Variants in CNR2 observed in about 807,000 individuals in gnomAD.
CNR2 encodes the protein cannabinoid receptor 2 (macrophage).
For synonymous variants in CNR2, 172 were observed against 182.2 expected, an observed-to-expected ratio of 0.94 and a Z score of 0.45; for missense variants, 379 against 439.9, an observed-to-expected ratio of 0.86 and a Z score of 1.24.
rs774179114 is a variant in CNR2 at position 23,884,311 on chromosome 1, G to C, written c.-45-8649C>G. 5.1e-4 allele frequency among the ~76,000 whole-genome samples: 12 copies of C among 23,426 alleles called. 2 individuals carry two copies. Among genetic ancestry groups the C allele is most frequent in the Non-Finnish European group, 1.4e-3 (12 of 8,406 alleles). 15.4% of individuals were successfully genotyped at this position (23,426 alleles called of 152,430 possible). A position where few individuals can be genotyped will look rare whatever the true frequency, so the allele number is the denominator to read the frequency against. On this transcript the variant is annotated intron_variant, in intron 1 of 1. Coordinates refer to ENST00000374472, the MANE Select transcript of CNR2 (RefSeq NM_001841.3). ...TGGTCTCGAACTCCTGGCTTCAAGT[G>C]ATCTGCGCGCCTTGGCCTCCCAAAG... is the stretch of plus-strand genomic sequence containing the variant.
chr1:23,896,401 A>T (rs1286352127), intron 1 of CNR2, among the ~76,000 whole-genome samples: 1 of 152,270 alleles, frequency 6.6e-6, no homozygotes, highest in East Asian at 1.9e-4. Flanking sequence ...TACTTGTCTC[A>T]TCAGTGGTGG....
Position 23,902,693 on chromosome 1 carries a change from G to A in CNR2, c.-46+10553C>T, listed in dbSNP as rs1455569364. 25 of 1,593,006 alleles carry A rather than the reference G, an allele frequency of 1.6e-5. No individual in the cohort carries two copies. The East Asian group carries it at 5.6e-4, about 36-fold the overall frequency. On this transcript the variant is annotated intron_variant, in intron 1 of 1. Coordinates refer to ENST00000374472, the MANE Select transcript of CNR2 (RefSeq NM_001841.3). ...CCACGACAAAGTGCACGTCGGCCAC[G>A]AGCTCGTTGTTGAACATGAGCGCGT...
chr1:23,874,337 T>G lies in CNR2; in HGVS notation c.*198A>C. The G allele has an allele frequency of 1.7e-6, 1 of 600,468 alleles. No homozygotes were observed. The highest frequency in any genetic ancestry group is 2.9e-6 in the Non-Finnish European group (1 of 343,780). The allele number at this position is 600,468 out of a possible 1,614,324, so 37.2% of individuals were successfully genotyped here. The stretch of plus-strand genomic sequence containing the variant: ...CCTGGCTACTCCTCGTGGCCCTACC[T>G]ATCCAACAGACTGTGTGCAGGTGGG... On this transcript the variant is annotated 3_prime_UTR_variant, in exon 2 of 2. Coordinates refer to ENST00000374472, the MANE Select transcript of CNR2 (RefSeq NM_001841.3).
At chr1:23,898,641 A>ATTTT (rs71026701) in intron 1 of CNR2, among the ~76,000 whole-genome samples, 3 of 25,298 alleles carry the variant, frequency 1.2e-4, no homozygotes, top group African/African-American at 5.0e-4. Flanking sequence ...CGCCTGGCCA[A>ATTTT]TTTTTTTTTT....
chr1:23,874,116 A>G lies in CNR2; in HGVS notation c.*419T>C, dbSNP rs1130320. The G allele has an allele frequency of 0.63, 108,906 of 172,308 alleles. 34,971 individuals are homozygous for G. Among genetic ancestry groups the G allele is most frequent in the African/African-American group, 0.76 (31,893 of 42,166 alleles). The allele number at this position is 172,308 out of a possible 1,614,324, so 10.7% of individuals were successfully genotyped here. A position where few individuals can be genotyped will look rare whatever the true frequency, so the allele number is the denominator to read the frequency against. The stretch of plus-strand genomic sequence containing the variant: ...CAAGGAGGCCTTGACAATTAGGCAG[A>G]GAGAAGACCTGGATGTCCATCCCAT... On this transcript the variant is annotated 3_prime_UTR_variant, in exon 2 of 2. Coordinates refer to ENST00000374472, the MANE Select transcript of CNR2 (RefSeq NM_001841.3).
chr1:23,877,598 C>T (rs895203380), intron 1 of CNR2, among the ~76,000 whole-genome samples: 3 of 150,354 alleles, frequency 2.0e-5, no homozygotes, highest in African/African-American at 4.9e-5. Flanking sequence ...GCCGAGATGG[C>T]GCCACTGCAC....
intron 1 of CNR2, among the ~76,000 whole-genome samples, chr1:23,882,412 G>T (rs1049773940): frequency 6.6e-6 from 1 of 152,068 alleles, no homozygotes; most frequent in Non-Finnish European, 1.5e-5. Context: ...ATTCATAAAG[G>T]CGATTAGAAG....
intron 1 of CNR2, among the ~76,000 whole-genome samples, chr1:23,897,050 T>C (rs1640297929): frequency 6.6e-6 from 1 of 151,976 alleles, no homozygotes; most frequent in Non-Finnish European, 1.5e-5. Context: ...CATTTTTCTA[T>C]TTTTAGTAGA....
chr1:23,898,231 G>T (rs1640318181), intron 1 of CNR2, among the ~76,000 whole-genome samples: 1 of 151,440 alleles, frequency 6.6e-6, no homozygotes, highest in Non-Finnish European at 1.5e-5. Context: ...TAGACACAGG[G>T]TTTCACCATG....
At chr1:23,899,131 G>A (rs1219072311) in intron 1 of CNR2, among the ~76,000 whole-genome samples, 1 of 152,088 alleles carries the variant, frequency 6.6e-6, no homozygotes, top group Non-Finnish European at 1.5e-5. Flanking sequence ...AACTGCCCTT[G>A]GAGATAGACT....
chr1:23,885,937 C>A, intron 1 of CNR2, among the ~76,000 whole-genome samples: 1 of 150,996 alleles, frequency 6.6e-6, no homozygotes, highest in Non-Finnish European at 1.5e-5. Flanking sequence ...CACCTGTAAT[C>A]CCAGCACTCT....
intron 1 of CNR2, among the ~76,000 whole-genome samples, chr1:23,905,111 A>G (rs998868284): frequency 2.7e-5 from 4 of 147,382 alleles, no homozygotes; most frequent in Non-Finnish European, 4.4e-5. Context: ...AATAGTAGCA[A>G]CTAATACTGA....
intron 1 of CNR2, among the ~76,000 whole-genome samples, chr1:23,906,179 C>A (rs1002901026): frequency 6.6e-6 from 1 of 152,086 alleles, no homozygotes. Flanking sequence ...TGTCTTCCCC[C>A]CTCAGACTCT....
At chr1:23,892,710 A>G (rs956696934) in intron 1 of CNR2, among the ~76,000 whole-genome samples, 2 of 152,034 alleles carry the variant, frequency 1.3e-5, no homozygotes, top group African/African-American at 4.8e-5. Context: ...AGCCACCTCT[A>G]CTCTTTTTAA....
chr1:23,904,985 T>C (rs1354327661), intron 1 of CNR2, among the ~76,000 whole-genome samples: 1 of 152,092 alleles, frequency 6.6e-6, no homozygotes, highest in Non-Finnish European at 1.5e-5. Context: ...CTTATAGGGT[T>C]GCATCAGTCG....
At chr1:23,894,246 C>G (rs1640238078) in intron 1 of CNR2, among the ~76,000 whole-genome samples, 4 of 150,976 alleles carry the variant, frequency 2.6e-5, no homozygotes, top group Admixed American at 2.0e-4. Context: ...CATGGTGAAA[C>G]TTCATCTCTA....
chr1:23,892,963 C>A (rs1640213695), intron 1 of CNR2, among the ~76,000 whole-genome samples: 1 of 152,086 alleles, frequency 6.6e-6, no homozygotes, highest in Non-Finnish European at 1.5e-5. Flanking sequence ...TTGCAGCGAG[C>A]AGAGATCGCA....
intron 1 of CNR2, among the ~76,000 whole-genome samples, chr1:23,890,797 GC>G (rs1640177539): frequency 6.7e-6 from 1 of 149,928 alleles, no homozygotes; most frequent in African/African-American, 2.4e-5. Context: ...CTGCTGCCCA[GC>G]TGGCTGGGCC....
In CNR2 at chr1:23,875,497, T is replaced by C; in HGVS notation, c.121A>G (p.Thr41Ala). Reference sequence around the variant, plus strand: ...AGGGCACTTAGCAGGCCCAGAAGAGTGCACAACACAGCAACAGCTGTCTTC... The same window carrying C: ...AGGGCACTTAGCAGGCCCAGAAGAGCGCACAACACAGCAACAGCTGTCTTC... ...PQKTAVAVLC[T>A]LLGLLSALEN... The change falls in exon 2 of 2, where the codon ACT becomes GCT. Residue 41 changes from threonine (T) to alanine (A), a missense_variant. Transcript: ENST00000374472. 6.2e-7 allele frequency: 1 copy of C among 1,613,698 alleles called. No homozygotes were observed. Among genetic ancestry groups the C allele is most frequent in the Non-Finnish European group, 8.5e-7 (1 of 1,179,922 alleles).
Sources: allele counts gnomAD v4.1 joint callset (sites outside exome capture counted in the v4.1 genomes callset), GRCh38; gene constraint gnomAD v4.1.1; transcripts MANE v1.5; gene names NCBI Gene and HGNC (gene_info 2026-07-23, HGNC 2026-07-21).